Variants in PLCD4 observed in about 807,000 individuals in gnomAD.
PLCD4 encodes phospholipase C delta 4.
Under a neutral mutation model 90.2 loss-of-function variants are expected in PLCD4, and 63 were observed. The ratio of observed to expected loss-of-function variants is 0.70; its 90% CI spans 0.57 to 0.86. The LOEUF is 0.86. PLCD4 is among the 40% of genes least tolerant of loss of function. The pLI, the probability that PLCD4 is intolerant of heterozygous loss-of-function variation, is 0.00. For synonymous variants in PLCD4, 294 were observed against 356.5 expected, an observed-to-expected ratio of 0.82 and a Z score of 1.97; for missense variants, 830 against 956.3, an observed-to-expected ratio of 0.87 and a Z score of 1.74.
chr2:218,636,097 TG>T, intron 14 of PLCD4, 145 bp from the exon 15 acceptor site: 1 of 1,369,340 alleles, frequency 7.3e-7, no homozygotes. Context: ...TCCAGTGACC[TG>T]GGCAAATTAC....
chr2:218,620,893 CAAAAAAA>C (rs34369545), intron 4 of PLCD4, among the ~76,000 whole-genome samples: 1 of 61,892 alleles, frequency 1.6e-5, no homozygotes, highest in Non-Finnish European at 2.8e-5. Flanking sequence ...GACTCTGTCT[CAAAAAAA>C]AAAAAAAAAA....
At chr2:218,620,718 A>C (rs898162712) in intron 4 of PLCD4, among the ~76,000 whole-genome samples, 22 of 149,714 alleles carry the variant, frequency 1.5e-4, no homozygotes, top group African/African-American at 5.4e-4. Flanking sequence ...TCTGTCTAAA[A>C]CAAACATACA....
intron 3 of PLCD4, among the ~76,000 whole-genome samples, chr2:218,617,902 A>T (rs918326575): frequency 6.6e-6 from 1 of 151,918 alleles, no homozygotes; most frequent in Non-Finnish European, 1.5e-5. Context: ...TGGCTAACAC[A>T]GTGAAACCCC....
intron 9 of PLCD4, among the ~76,000 whole-genome samples, chr2:218,631,165 A>AT (rs1246036100): frequency 2.6e-5 from 4 of 151,726 alleles, no homozygotes; most frequent in Admixed American, 6.6e-5. Context: ...CTATCGATAG[A>AT]TTTTTTTGTT....
At chr2:218,623,275 G>T (rs527352279) in intron 6 of PLCD4, among the ~76,000 whole-genome samples, 2 of 152,238 alleles carry the variant, frequency 1.3e-5, no homozygotes, top group Non-Finnish European at 2.9e-5. Flanking sequence ...TTCTTCCATG[G>T]TTCCTGTTTG....
At chr2:218,620,962 C>G (rs1695848206) in intron 4 of PLCD4, among the ~76,000 whole-genome samples, 1 of 150,106 alleles carries the variant, frequency 6.7e-6, no homozygotes, top group African/African-American at 2.4e-5. Context: ...CAGAATCTCA[C>G]TCCATCACCC....
chr2:218,610,507 C>CAAAA (rs35463933), intron 1 of PLCD4, among the ~76,000 whole-genome samples: 1 of 147,626 alleles, frequency 6.8e-6, no homozygotes, highest in Non-Finnish European at 1.5e-5. Context: ...CACTCCGTCT[C>CAAAA]AAAAAAAAAT....
At chr2:218,615,813 A>G in intron 2 of PLCD4, 52 bp downstream of exon 2, 1 of 1,601,854 alleles carries the variant, frequency 6.2e-7, no homozygotes, top group African/African-American at 1.3e-5. Context: ...CAGCTCAGGG[A>G]AGGGAAGGAG....
Position 218,629,578 on chromosome 2 carries a change from A to T in PLCD4, c.1034A>T (p.Glu345Val). Reference protein sequence around the residue: ...EVDVWDGPSGEPVVYHGHTLT... With the variant: ...EVDVWDGPSGVPVVYHGHTLT... ...GATGTATGGGATGGACCTAGCGGGG[A>T]ACCTGTCGTTTACCACGGACACACC... Residue 345 changes from glutamate to valine, a missense_variant, in exon 8 of 16, where the codon GAA becomes GTA. Coordinates refer to ENST00000450993, the MANE Select transcript of PLCD4 (RefSeq NM_032726.4). 5 of 1,613,658 alleles carry T rather than the reference A, an allele frequency of 3.1e-6. No individual in the cohort carries two copies. Among genetic ancestry groups the T allele is most frequent in the Non-Finnish European group, 3.4e-6 (4 of 1,179,820 alleles).
In PLCD4 at chr2:218,628,132, G is replaced by T. The variant is rs373371811; in HGVS notation, c.876G>T (p.Met292Ile). 1.9e-6 allele frequency: 3 copies of T among 1,614,010 alleles called. No homozygotes were observed. The highest frequency in any genetic ancestry group is 1.6e-4 in the Middle Eastern group (1 of 6,062). Residue 292 changes from methionine to isoleucine, a missense_variant, in exon 7 of 16, where the codon ATG (methionine) becomes ATT (isoleucine). Physicochemically the swap from Met to Ile is conservative, Grantham distance 10. Transcript: ENST00000450993. Reference protein sequence around the residue: ...NPACLPIYQDMTQPLNHYFIC... With the variant: ...NPACLPIYQDITQPLNHYFIC... ...CCTGCCTCCCCATCTATCAGGATAT[G>T]ACTCAACCCCTGAACCACTACTTCA...
chr2:218,635,657 T>C, intron 13 of PLCD4, 139 bp from the exon 14 acceptor site: 2 of 1,247,414 alleles, frequency 1.6e-6, no homozygotes, highest in African/African-American at 1.5e-5. Context: ...AAATTGCAGA[T>C]AGAATACTAG....
At chr2:218,609,068 G>A (rs915989050) in intron 1 of PLCD4, among the ~76,000 whole-genome samples, 6 of 151,566 alleles carry the variant, frequency 4.0e-5, no homozygotes, top group Admixed American at 1.3e-4. Context: ...CGTGAACCCC[G>A]GGGGGCGGAG....
chr2:218,619,304 T>C (rs904829649), intron 4 of PLCD4, among the ~76,000 whole-genome samples: 2 of 151,772 alleles, frequency 1.3e-5, no homozygotes, highest in African/African-American at 4.8e-5. Context: ...TTGTTTTGTT[T>C]TGTTTTTGAT....
At chr2:218,619,621 T>C (rs929278157) in intron 4 of PLCD4, among the ~76,000 whole-genome samples, 12 of 151,274 alleles carry the variant, frequency 7.9e-5, no homozygotes, top group Non-Finnish European at 1.6e-4. Context: ...GAGACTCACA[T>C]ATTGCTTCAG....
chr2:218,611,505 T>C (rs1695331602), intron 1 of PLCD4, among the ~76,000 whole-genome samples: 1 of 152,106 alleles, frequency 6.6e-6, no homozygotes. Context: ...AGGTGGGAGC[T>C]AAAATTCAGA....
At chr2:218,628,743 T>G (rs1351499533) in intron 7 of PLCD4, 1 of 155,138 alleles carries the variant, frequency 6.4e-6, no homozygotes, top group African/African-American at 2.4e-5. Flanking sequence ...TTATTGTGAC[T>G]AATCATGGAT....
At position 218,629,531 on chromosome 2, in the gene PLCD4, G is replaced by A. The variant is rs937444549; in HGVS notation, c.987G>A (p.Arg329=). 3.0e-5 allele frequency: 48 copies of A among 1,613,608 alleles called. No individual in the cohort carries two copies. Among genetic ancestry groups the A allele is most frequent in the Admixed American group, 6.7e-5 (4 of 59,976 alleles). The change falls in exon 8 of 16, where the codon CGG becomes CGA. Residue 329 remains arginine, a synonymous_variant. Transcript: ENST00000450993. Reference sequence around the variant, plus strand: ...GGGGTTCTTTCAGGGCCCTGAAGCGGGGGTGCCGCTGCGTGGAGGTGGATG... The same window carrying A: ...GGGGTTCTTTCAGGGCCCTGAAGCGAGGGTGCCGCTGCGTGGAGGTGGATG... ...SVEGYIRALK[R]GCRCVEVDVW... is the part of the protein sequence containing the mutation.
intron 6 of PLCD4, among the ~76,000 whole-genome samples, chr2:218,623,692 G>GT (rs1377382890): frequency 2.6e-5 from 4 of 151,354 alleles, no homozygotes; most frequent in South Asian, 2.1e-4. Flanking sequence ...CTATTTTTTT[G>GT]TTTTTTTGAG....
chr2:218,610,089 G>C (rs1049269188), intron 1 of PLCD4: 1 of 151,972 alleles, frequency 6.6e-6, no homozygotes, highest in African/African-American at 2.4e-5. Context: ...TAAAACTAGG[G>C]CTACACAGGG....
Sources: allele counts gnomAD v4.1 joint callset (sites outside exome capture counted in the v4.1 genomes callset), GRCh38; gene constraint gnomAD v4.1.1; transcripts MANE v1.5; gene names NCBI Gene and HGNC (gene_info 2026-07-23, HGNC 2026-07-21).